Variants in STEAP1B observed in about 807,000 individuals in gnomAD.
STEAP1B encodes STEAP family protein MGC87042.
Under a neutral mutation model 27.9 loss-of-function variants are expected in STEAP1B, and 13 were observed. The ratio of observed to expected loss-of-function variants is 0.47; its 90% CI spans 0.30 to 0.74. STEAP1B has a LOEUF of 0.74. STEAP1B is among the 30% of genes least tolerant of loss of function. The pLI is 0.06. For missense variants in STEAP1B, 250 were observed against 298.7 expected, an observed-to-expected ratio of 0.84 and a Z score of 1.20; for synonymous variants, 86 against 107.1, an observed-to-expected ratio of 0.80 and a Z score of 1.22.
At chr7:22,439,137 T>C (rs146279418) in intron 4 of STEAP1B, among the ~76,000 whole-genome samples, 285 of 152,320 alleles carry the variant, frequency 1.9e-3, no homozygotes, top group African/African-American at 6.5e-3. Flanking sequence ...CACCAGCTTC[T>C]ACCTCACACA....
intron 4 of STEAP1B, among the ~76,000 whole-genome samples, chr7:22,488,465 G>C (rs936676713): frequency 3.9e-5 from 6 of 152,220 alleles, no homozygotes; most frequent in Admixed American, 2.6e-4. Flanking sequence ...CCCAGGGACA[G>C]TGGGAATCAG....
intron 4 of STEAP1B, among the ~76,000 whole-genome samples, chr7:22,475,058 C>A (rs948930600): frequency 3.9e-5 from 6 of 152,166 alleles, no homozygotes; most frequent in African/African-American, 1.4e-4. Context: ...CTCATAGTAT[C>A]CTCATCTCCC....
intron 4 of STEAP1B, among the ~76,000 whole-genome samples, chr7:22,447,505 A>G (rs1785426416): frequency 6.6e-6 from 1 of 152,230 alleles, no homozygotes; most frequent in South Asian, 2.1e-4. Flanking sequence ...CTCTAAATAA[A>G]TACTTGACAA....
At chr7:22,482,347 C>T (rs1448602063) in intron 4 of STEAP1B, among the ~76,000 whole-genome samples, 2 of 152,222 alleles carry the variant, frequency 1.3e-5, no homozygotes, top group Middle Eastern at 3.4e-3. Context: ...AGATAACCAA[C>T]GAATAATTCT....
At chr7:22,420,101 C>G (rs1169661987) in intron 4 of STEAP1B, among the ~76,000 whole-genome samples, 1 of 152,160 alleles carries the variant, frequency 6.6e-6, no homozygotes, top group African/African-American at 2.4e-5. Context: ...ATTACTATCT[C>G]TCTCTCAAAC....
intron 4 of STEAP1B, chr7:22,438,720 G>A (rs1299420613): frequency 2.6e-6 from 4 of 1,551,642 alleles, no homozygotes; most frequent in Non-Finnish European, 3.5e-6. Context: ...TGGCCTGAAA[G>A]TTGCACAAAG....
intron 4 of STEAP1B, among the ~76,000 whole-genome samples, chr7:22,473,826 A>G (rs924667662): frequency 3.3e-4 from 50 of 152,124 alleles, no homozygotes; most frequent in African/African-American, 1.1e-3. Context: ...CAGGAGTTGC[A>G]GTCTGGAGCT....
intron 4 of STEAP1B, among the ~76,000 whole-genome samples, chr7:22,478,995 A>C (rs1479509850): frequency 6.6e-6 from 1 of 152,164 alleles, no homozygotes; most frequent in Non-Finnish European, 1.5e-5. Flanking sequence ...GCACCCTCAG[A>C]GAGGCAGGCC....
chr7:22,474,846 C>T (rs1198557373), intron 4 of STEAP1B, among the ~76,000 whole-genome samples: 3 of 152,168 alleles, frequency 2.0e-5, no homozygotes, highest in Non-Finnish European at 4.4e-5. Context: ...GTGGACAGCT[C>T]CCATTCCAGT....
chr7:22,453,815 A>C (rs1785528390), intron 4 of STEAP1B, among the ~76,000 whole-genome samples: 1 of 152,176 alleles, frequency 6.6e-6, no homozygotes, highest in Admixed American at 6.5e-5. Context: ...CTTACAGTAT[A>C]TACCCTTTTG....
chr7:22,419,864 G>C lies in STEAP1B; in HGVS notation c.763-28C>G, dbSNP rs372199811. ...GGAAGGCAGACAGCAAGAAAGAGTTGATGTATAGAAGTAGTGACTATCACT... is the reference window on the plus strand; with the variant it reads ...GGAAGGCAGACAGCAAGAAAGAGTTCATGTATAGAAGTAGTGACTATCACT... On this transcript the variant is annotated intron_variant, in intron 4 of 4. Coordinates refer to ENST00000678116, the MANE Select transcript of STEAP1B (RefSeq NM_001382447.1). The C allele has an allele frequency of 2.3e-5, 35 of 1,547,452 alleles. No homozygotes were observed. In the African/African-American group the frequency reaches 4.7e-4, roughly 21 times the overall value.
At chr7:22,494,549 G>A (rs3844321) in intron 2 of STEAP1B, among the ~76,000 whole-genome samples, 15,698 of 151,866 alleles carry the variant, frequency 0.1, 957 homozygotes, top group Non-Finnish European at 0.13. Flanking sequence ...TTTCAGTAAC[G>A]TATTCAAGGT....
Position 22,432,743 on chromosome 7 carries a change from T to C in STEAP1B, c.763-12907A>G, listed in dbSNP as rs143889770. ...CCTTCCTAAACCTTGACTAGTACAA[T>C]ACCTGAATGAAAATTGAGAAATTAC... On this transcript the variant is annotated intron_variant, in intron 4 of 4. Coordinates refer to ENST00000678116, the MANE Select transcript of STEAP1B (RefSeq NM_001382447.1). Among the ~76,000 whole-genome samples the C allele has an allele frequency of 2.6e-3, 394 of 152,208 alleles. 2 individuals carry two copies. Among genetic ancestry groups the C allele is most frequent in the Non-Finnish European group, 4.4e-3 (296 of 68,016 alleles).
intron 1 of STEAP1B, among the ~76,000 whole-genome samples, chr7:22,496,119 C>T (rs1786435423): frequency 6.6e-6 from 1 of 151,946 alleles, no homozygotes; most frequent in South Asian, 2.1e-4. Context: ...ACTGATGATC[C>T]TGACCCTGGG....
intron 4 of STEAP1B, among the ~76,000 whole-genome samples, chr7:22,424,817 T>C (rs141662158): frequency 1.3e-4 from 19 of 151,116 alleles, no homozygotes; most frequent in African/African-American, 4.6e-4. Context: ...CTGTGAAGAG[T>C]TGATAATAAT....
At chr7:22,434,839 C>G (rs931474068) in intron 4 of STEAP1B, among the ~76,000 whole-genome samples, 3 of 152,082 alleles carry the variant, frequency 2.0e-5, no homozygotes, top group African/African-American at 7.2e-5. Flanking sequence ...AAATAAGAGT[C>G]CTTTATCAAA....
chr7:22,446,387 C>A (rs1310486582), intron 4 of STEAP1B, among the ~76,000 whole-genome samples: 1 of 152,224 alleles, frequency 6.6e-6, no homozygotes, highest in Non-Finnish European at 1.5e-5. Context: ...GGTCCCCAAC[C>A]TGGAGCCACA....
At chr7:22,465,431 T>C (rs1413819626) in intron 4 of STEAP1B, among the ~76,000 whole-genome samples, 1 of 152,120 alleles carries the variant, frequency 6.6e-6, no homozygotes, top group Non-Finnish European at 1.5e-5. Context: ...ACAGATTACC[T>C]GCAATGTGCT....
At chr7:22,460,208 G>C (rs1275008858) in intron 4 of STEAP1B, among the ~76,000 whole-genome samples, 1 of 151,876 alleles carries the variant, frequency 6.6e-6, no homozygotes, top group East Asian at 1.9e-4. Flanking sequence ...CCTAGCTATG[G>C]GGTAGGGTTG....
Sources: allele counts gnomAD v4.1 joint callset (sites outside exome capture counted in the v4.1 genomes callset), GRCh38; gene constraint gnomAD v4.1.1; transcripts MANE v1.5; gene names NCBI Gene and HGNC (gene_info 2026-07-23, HGNC 2026-07-21).